Variants in HDAC9 observed in about 807,000 individuals in gnomAD.
The protein encoded by HDAC9 is histone deacetylase 9.
In HDAC9, 41 loss-of-function variants were observed where a neutral mutation model predicts 139.4. The observed-to-expected ratio is 0.29, with a 90% confidence interval of 0.23 to 0.38. The LOEUF (loss-of-function observed/expected upper bound fraction) is 0.38, where lower values mean the gene tolerates loss of function less well. Among genes scored for constraint, HDAC9 ranks in the 10% least tolerant of loss-of-function variants. The probability of loss-of-function intolerance (pLI) is 1.00; values close to 1 mark genes in which losing one functional copy is unlikely to be tolerated. For synonymous variants in HDAC9, 517 were observed against 476.2 expected, an observed-to-expected ratio of 1.09 and a Z score of -1.12; for missense variants, 1,147 against 1,297.0, an observed-to-expected ratio of 0.88 and a Z score of 1.78.
intron 2 of HDAC9, among the ~76,000 whole-genome samples, chr7:18,221,106 C>CTTTTTTTTTTTTTTTTTTTTTTTTTTTTT (rs537033538): frequency 7.2e-6 from 1 of 139,692 alleles, no homozygotes; most frequent in African/African-American, 2.7e-5. Context: ...ATTTCTATTC[C>CTTTTTTTTTTTTTTTTTTTTTTTTTTTTT]TTTTTTTTTT....
intron 2 of HDAC9, among the ~76,000 whole-genome samples, chr7:18,249,502 C>CAAAAAAAAAAAA (rs3058733): frequency 1.5e-4 from 9 of 58,566 alleles, no homozygotes; most frequent in African/African-American, 2.8e-4. Flanking sequence ...GACTCTGTCT[C>CAAAAAAAAAAAA]AAAAAAAAAA....
At chr7:18,747,659 G>C (rs901525930) in intron 13 of HDAC9, among the ~76,000 whole-genome samples, 1 of 152,182 alleles carries the variant, frequency 6.6e-6, no homozygotes, top group African/African-American at 2.4e-5. Flanking sequence ...AGGGAGGTCA[G>C]TCCTGAGGAT....
chr7:18,207,446 A>T (rs1466773016), intron 2 of HDAC9, among the ~76,000 whole-genome samples: 2 of 150,886 alleles, frequency 1.3e-5, no homozygotes, highest in African/African-American at 2.4e-5. Flanking sequence ...TCACTCTATC[A>T]TCCAGGATGG....
intron 1 of HDAC9, among the ~76,000 whole-genome samples, chr7:18,374,199 G>A (rs908154992): frequency 3.5e-5 from 5 of 143,124 alleles, no homozygotes; most frequent in South Asian, 2.2e-4. Flanking sequence ...ATGTATGTGT[G>A]TATATATATA....
intron 1 of HDAC9, among the ~76,000 whole-genome samples, chr7:18,131,670 C>T (rs1276385870): frequency 1.3e-5 from 2 of 152,080 alleles, no homozygotes; most frequent in African/African-American, 4.8e-5. Context: ...TCACTACTCC[C>T]TTTCTGTTAA....
intron 2 of HDAC9, among the ~76,000 whole-genome samples, chr7:18,259,251 G>C: frequency 6.6e-6 from 1 of 152,146 alleles, no homozygotes; most frequent in Non-Finnish European, 1.5e-5. Flanking sequence ...TTACAGGTGT[G>C]AGTCACAGTG....
chr7:18,290,531 T>G (rs1378674877), intron 1 of HDAC9: 1 of 456,644 alleles, frequency 2.2e-6, no homozygotes, highest in South Asian at 1.5e-5. Flanking sequence ...TTTCTTTATT[T>G]TAATCTTTTA....
intron 17 of HDAC9, 82 bp downstream of exon 17, chr7:18,793,534 G>A: frequency 2.2e-6 from 2 of 897,854 alleles, no homozygotes; most frequent in Non-Finnish European, 3.6e-6. Context: ...ATTGCGGGGA[G>A]TGTGGCGTGG....
intron 6 of HDAC9, among the ~76,000 whole-genome samples, chr7:18,624,944 C>A (rs1490386428): frequency 1.3e-5 from 2 of 151,770 alleles, no homozygotes; most frequent in African/African-American, 2.4e-5. Flanking sequence ...TAAGTAGGGG[C>A]CTTTCTTTAG....
In HDAC9 at chr7:18,644,890, A is replaced by G. The variant is rs2129019743; in HGVS notation, c.1035+97A>G. 8.0e-6 allele frequency: 10 copies of G among 1,249,960 alleles called. No individual in the cohort carries two copies. The South Asian group carries it at 1.5e-4, about 19-fold the overall frequency. 77.4% of individuals were successfully genotyped at this position (1,249,960 alleles called of 1,614,324 possible). A position where few individuals can be genotyped will look rare whatever the true frequency, so the allele number is the denominator to read the frequency against. ...TTTTATGTATTTAGACTTTAGAAAA[A>G]CTTGACAGAGCCAGCATCTCCTTCA... is the stretch of plus-strand genomic sequence containing the variant. On this transcript the variant is annotated intron_variant, in intron 9 of 25. Transcript: ENST00000686413.
chr7:18,990,960 G>A (rs1483022750), intron 25 of HDAC9, among the ~76,000 whole-genome samples: 1 of 152,240 alleles, frequency 6.6e-6, no homozygotes, highest in Non-Finnish European at 1.5e-5. Flanking sequence ...TCCCTAGTGA[G>A]ATGAACCCGG....
chr7:18,143,904 T>C (rs1001589901), intron 1 of HDAC9, among the ~76,000 whole-genome samples: 1 of 152,140 alleles, frequency 6.6e-6, no homozygotes, highest in Non-Finnish European at 1.5e-5. Flanking sequence ...CTGTGCCATG[T>C]GGCAGATAAT....
chr7:18,719,491 C>A (rs562219553), intron 12 of HDAC9, among the ~76,000 whole-genome samples: 26 of 152,114 alleles, frequency 1.7e-4, no homozygotes, highest in African/African-American at 6.0e-4. Context: ...AGGCTCACAC[C>A]ACCACGCCCA....
chr7:18,511,440 C>T (rs902449883), intron 2 of HDAC9, among the ~76,000 whole-genome samples: 2 of 151,938 alleles, frequency 1.3e-5, no homozygotes, highest in African/African-American at 4.8e-5. Flanking sequence ...GACTACAAAC[C>T]AAACTAAATT....
At chr7:18,149,663 G>T (rs905069984) in intron 1 of HDAC9, among the ~76,000 whole-genome samples, 3 of 151,776 alleles carry the variant, frequency 2.0e-5, no homozygotes, top group African/African-American at 7.3e-5. Flanking sequence ...CCATTCTCCC[G>T]CCTCAGCCTC....
At chr7:18,804,218 C>T (rs1281768907) in intron 17 of HDAC9, among the ~76,000 whole-genome samples, 1 of 152,070 alleles carries the variant, frequency 6.6e-6, no homozygotes, top group Non-Finnish European at 1.5e-5. Context: ...GAATATTCCA[C>T]ACAGGAAAAA....
intron 17 of HDAC9, among the ~76,000 whole-genome samples, chr7:18,825,971 A>G (rs1795400672): frequency 6.6e-6 from 1 of 151,280 alleles, no homozygotes; most frequent in South Asian, 2.1e-4. Flanking sequence ...AATGTCTATA[A>G]TTTGGAGGGG....
intron 1 of HDAC9, among the ~76,000 whole-genome samples, chr7:18,450,786 G>T (rs1410198268): frequency 6.6e-6 from 1 of 152,144 alleles, no homozygotes; most frequent in African/African-American, 2.4e-5. Context: ...AAGCTTCAGA[G>T]ATTATATTGT....
intron 24 of HDAC9, among the ~76,000 whole-genome samples, chr7:18,963,390 C>T (rs1315145723): frequency 6.6e-6 from 1 of 151,994 alleles, no homozygotes; most frequent in Admixed American, 6.5e-5. Flanking sequence ...TAATTTAGAC[C>T]CTCAATATAT....
Sources: gnomAD v4.1 joint callset for allele counts (sites outside exome capture counted in the v4.1 genomes callset) on GRCh38, gnomAD v4.1.1 for gene constraint, MANE v1.5 for transcripts, NCBI Gene and HGNC (gene_info 2026-07-23, HGNC 2026-07-21) for gene names.